Variants in LHFPL6 observed in about 807,000 individuals in gnomAD.
LHFPL6 encodes the protein LHFPL tetraspan subfamily member 6 protein.
Under a neutral mutation model 20.6 loss-of-function variants are expected in LHFPL6, and 9 were observed. The observed-to-expected ratio is 0.44, with a 90% CI of 0.26 to 0.76. The LOEUF is 0.76. Ranked by LOEUF, LHFPL6 falls within the 30% of genes least tolerant of loss-of-function variation. The pLI is 0.20. For missense variants in LHFPL6, 218 were observed against 253.5 expected (o/e 0.86, Z 0.95); for synonymous variants, 105 against 98.7 (o/e 1.06, Z -0.38).
chr13:39,534,428 CGGAAACTA>C (rs1430759092), intron 2 of LHFPL6, among the ~76,000 whole-genome samples: 1 of 152,078 alleles, frequency 6.6e-6, no homozygotes, highest in Non-Finnish European at 1.5e-5. Flanking sequence ...ACACTAACAA[CGGAAACTA>C]GAAGAAGGCA....
chr13:39,461,627 T>C (rs931319696), intron 2 of LHFPL6, among the ~76,000 whole-genome samples: 2 of 152,052 alleles, frequency 1.3e-5, no homozygotes, highest in Non-Finnish European at 2.9e-5. Context: ...AGATGATTTA[T>C]ATTCAGAGAT....
At chr13:39,600,721 T>G (rs1872909878) in intron 2 of LHFPL6, 111 bp downstream of exon 2, 1 of 1,135,562 alleles carries the variant, frequency 8.8e-7, no homozygotes, top group Middle Eastern at 2.2e-4. Flanking sequence ...AATCTATTTC[T>G]CTTATGCATT....
chr13:39,394,995 C>T (rs566532409), intron 2 of LHFPL6, among the ~76,000 whole-genome samples: 44 of 152,208 alleles, frequency 2.9e-4, no homozygotes, highest in African/African-American at 1.0e-3. Context: ...CGTGAGACAC[C>T]GGCTTCCCCA....
chr13:39,377,531 A>G (rs560478804), intron 3 of LHFPL6, among the ~76,000 whole-genome samples: 1 of 152,324 alleles, frequency 6.6e-6, no homozygotes, highest in South Asian at 2.1e-4. Flanking sequence ...TCTTAAAACA[A>G]CAGATACTGG....
chr13:39,359,198 C>T (rs1869812794), intron 3 of LHFPL6, among the ~76,000 whole-genome samples: 1 of 152,036 alleles, frequency 6.6e-6, no homozygotes, highest in Non-Finnish European at 1.5e-5. Context: ...GTTGGCAGGA[C>T]TGTGAAGAAA....
intron 2 of LHFPL6, among the ~76,000 whole-genome samples, chr13:39,523,782 C>A (rs1870197198): frequency 6.6e-6 from 1 of 152,068 alleles, no homozygotes; most frequent in African/African-American, 2.4e-5. Context: ...ATTTATTTTA[C>A]AAAAGATTTA....
intron 2 of LHFPL6, among the ~76,000 whole-genome samples, chr13:39,591,241 ATG>A (rs1447943546): frequency 3.3e-5 from 5 of 152,234 alleles, no homozygotes; most frequent in Admixed American, 6.5e-5. Context: ...CTACCAGAAC[ATG>A]TAGCAGCAAC....
rs149179864 is a variant in LHFPL6 at position 39,481,463 on chromosome 13, C to T, written c.386-102937G>A. Among the ~76,000 whole-genome samples, 17 of 152,258 alleles carry T rather than the reference C, an allele frequency of 1.1e-4. No individual in the cohort carries two copies. The East Asian group carries it at 2.5e-3, about 22-fold the overall frequency. ...GCTACTAAGTGCTGTGAAGAAAATA[C>T]GATAGGCATATGTAATGGAAAGTCA... is the stretch of plus-strand genomic sequence containing the variant. On this transcript the variant is annotated intron_variant, in intron 2 of 3. Transcript: ENST00000379589.
chr13:39,455,342 A>G (rs74483846), intron 2 of LHFPL6, among the ~76,000 whole-genome samples: 1,963 of 152,282 alleles, frequency 0.013, 40 homozygotes, highest in African/African-American at 0.045. Context: ...AGGGAGTGAA[A>G]AAGTTGAAAT....
intron 2 of LHFPL6, among the ~76,000 whole-genome samples, chr13:39,486,679 G>A (rs1407322527): frequency 6.6e-6 from 1 of 152,086 alleles, no homozygotes; most frequent in African/African-American, 2.4e-5. Context: ...ATTACAAAGG[G>A]AAGTTCAATC....
At chr13:39,524,077 G>C (rs567105269) in intron 2 of LHFPL6, among the ~76,000 whole-genome samples, 1 of 152,158 alleles carries the variant, frequency 6.6e-6, no homozygotes, top group Admixed American at 6.5e-5. Flanking sequence ...ACTTTAAAGA[G>C]GTAAAGAAAG....
intron 2 of LHFPL6, among the ~76,000 whole-genome samples, chr13:39,545,069 CT>C (rs1197534770): frequency 6.6e-6 from 1 of 151,538 alleles, no homozygotes; most frequent in African/African-American, 2.4e-5. Flanking sequence ...GGTGAAACCC[CT>C]GTCTCTACTA....
chr13:39,364,475 G>A (rs1170067876), intron 3 of LHFPL6, among the ~76,000 whole-genome samples: 1 of 152,176 alleles, frequency 6.6e-6, no homozygotes, highest in African/African-American at 2.4e-5. Context: ...CAGATGCTCT[G>A]CCTATTTAGC....
chr13:39,549,358 A>G (rs1023166254), intron 2 of LHFPL6, among the ~76,000 whole-genome samples: 5 of 152,170 alleles, frequency 3.3e-5, no homozygotes, highest in African/African-American at 9.7e-5. Context: ...AAATAGACCA[A>G]TATGTAAAAT....
chr13:39,560,764 C>T (rs1490314919), intron 2 of LHFPL6, among the ~76,000 whole-genome samples: 2 of 152,250 alleles, frequency 1.3e-5, no homozygotes, highest in African/African-American at 4.8e-5. Context: ...ATCCGCCCAC[C>T]TCGGCCTCCC....
At position 39,446,349 on chromosome 13, in the gene LHFPL6, A is replaced by G. The variant is rs181737173; in HGVS notation, c.386-67823T>C. On this transcript the variant is annotated intron_variant, in intron 2 of 3. Transcript: ENST00000379589. The stretch of plus-strand genomic sequence containing the variant: ...CAGAACCATTTAGTTGAAAGGTGCT[A>G]TGAAATAAGAGGAATCATTGAACAA... 5.3e-5 allele frequency among the ~76,000 whole-genome samples: 8 copies of G among 152,326 alleles called. No individual in the cohort carries two copies. In the East Asian group the frequency reaches 1.5e-3, roughly 29 times the overall value.
chr13:39,520,553 A>T (rs1870076380), intron 2 of LHFPL6, among the ~76,000 whole-genome samples: 1 of 152,208 alleles, frequency 6.6e-6, no homozygotes, highest in African/African-American at 2.4e-5. Flanking sequence ...GAACTGGGCA[A>T]ATTAACAAGT....
intron 2 of LHFPL6, among the ~76,000 whole-genome samples, chr13:39,519,129 G>A (rs1870023810): frequency 1.3e-5 from 2 of 152,082 alleles, no homozygotes; most frequent in African/African-American, 2.4e-5. Flanking sequence ...CCAGCTACTC[G>A]GGAGGCTGAG....
intron 2 of LHFPL6, among the ~76,000 whole-genome samples, chr13:39,436,575 A>G (rs1188634162): frequency 6.6e-6 from 1 of 152,212 alleles, no homozygotes; most frequent in Non-Finnish European, 1.5e-5. Flanking sequence ...TGTCCCGTCA[A>G]GAGTTTTTAA....
Sources: gnomAD v4.1 joint callset for allele counts (sites outside exome capture counted in the v4.1 genomes callset) on GRCh38, gnomAD v4.1.1 for gene constraint, MANE v1.5 for transcripts, NCBI Gene and HGNC (gene_info 2026-07-23, HGNC 2026-07-21) for gene names.